Variants in EPC1 observed in about 807,000 individuals in gnomAD.
EPC1 encodes enhancer of polycomb 1, also known as enhancer of polycomb homolog 1.
A neutral mutation model predicts 98.4 loss-of-function variants in EPC1; 12 were observed. That is an observed-to-expected ratio of 0.12 (90% CI 0.08 to 0.20). The LOEUF (loss-of-function observed/expected upper bound fraction) is 0.20, where lower values mean the gene tolerates loss of function less well. Ranked by LOEUF, EPC1 falls within the 10% of genes least tolerant of loss-of-function variation. The pLI is 1.00. For missense variants in EPC1, 729 were observed against 990.5 expected (o/e 0.74, Z 3.54); for synonymous variants, 357 against 363.9 (o/e 0.98, Z 0.21).
At chr10:32,330,637 C>A (rs12358591) in intron 1 of EPC1, among the ~76,000 whole-genome samples, 2 of 152,090 alleles carry the variant, frequency 1.3e-5, no homozygotes, top group Admixed American at 1.3e-4. Flanking sequence ...GGATCCAAAT[C>A]TTAGAAATCC....
At chr10:32,270,802 A>G (rs1021691640) in intron 13 of EPC1, among the ~76,000 whole-genome samples, 38 of 135,850 alleles carry the variant, frequency 2.8e-4, no homozygotes, top group African/African-American at 9.8e-4. Flanking sequence ...AGCCTGGGCA[A>G]CAGAGCGAGA....
At chr10:32,333,319 G>A (rs997743707) in intron 1 of EPC1, among the ~76,000 whole-genome samples, 3 of 152,176 alleles carry the variant, frequency 2.0e-5, no homozygotes, top group African/African-American at 4.8e-5. Context: ...GCGACAGAGT[G>A]AGACTTCGTC....
chr10:32,343,685 A>G (rs114392163), intron 1 of EPC1, among the ~76,000 whole-genome samples: 1,397 of 45,238 alleles, frequency 0.031, 22 homozygotes, highest in African/African-American at 0.093. Context: ...TTCTGCCTCC[A>G]AATTATTTTG....
At chr10:32,281,148 C>A (rs1274925530) in intron 10 of EPC1, among the ~76,000 whole-genome samples, 2 of 152,138 alleles carry the variant, frequency 1.3e-5, no homozygotes, top group Non-Finnish European at 2.9e-5. Context: ...GGTTTTCCTG[C>A]CTCAGCCTCC....
intron 1 of EPC1, among the ~76,000 whole-genome samples, chr10:32,368,260 C>A (rs762232338): frequency 6.6e-5 from 10 of 152,222 alleles, no homozygotes; most frequent in Admixed American, 4.6e-4. Flanking sequence ...CTAGGTTCCC[C>A]AGCTTGGGAT....
At chr10:32,297,307 G>C (rs901628235) in intron 2 of EPC1, among the ~76,000 whole-genome samples, 5 of 143,614 alleles carry the variant, frequency 3.5e-5, no homozygotes, top group African/African-American at 1.3e-4. Context: ...TTTAGATGGA[G>C]TTTCGCTCTT....
chr10:32,339,490 A>G (rs901591524), intron 1 of EPC1, among the ~76,000 whole-genome samples: 1 of 152,192 alleles, frequency 6.6e-6, no homozygotes, highest in African/African-American at 2.4e-5. Flanking sequence ...GGTGGCAATG[A>G]GCCGAGATCA....
At chr10:32,325,225 C>A (rs576868782) in intron 1 of EPC1, among the ~76,000 whole-genome samples, 5 of 152,112 alleles carry the variant, frequency 3.3e-5, no homozygotes, top group African/African-American at 1.2e-4. Flanking sequence ...CTGTAAAACA[C>A]AAAACAAAAT....
At chr10:32,348,398 A>G (rs1448624971), upstream of EPC1, among the ~76,000 whole-genome samples, 1 of 152,178 alleles carries the variant, frequency 6.6e-6, no homozygotes, top group East Asian at 1.9e-4. Flanking sequence ...AAAAGATACA[A>G]AAATGTTTTG....
At chr10:32,344,536 A>G (rs992469615) in intron 1 of EPC1, among the ~76,000 whole-genome samples, 9 of 152,166 alleles carry the variant, frequency 5.9e-5, no homozygotes, top group African/African-American at 1.9e-4. Flanking sequence ...CTGTAATCCC[A>G]GCACTTTGGG....
intron 1 of EPC1, among the ~76,000 whole-genome samples, chr10:32,362,884 C>G (rs1839484188): frequency 6.6e-6 from 1 of 152,160 alleles, no homozygotes; most frequent in Non-Finnish European, 1.5e-5. Context: ...AGGCAGGAAG[C>G]CTGTACTTCT....
chr10:32,358,053 C>A lies in EPC1; in HGVS notation c.3+20438G>T, dbSNP rs184907049. 2.7e-4 allele frequency among the ~76,000 whole-genome samples: 41 copies of A among 151,954 alleles called. No individual in the cohort carries two copies. In the East Asian group the frequency reaches 5.0e-3, roughly 19 times the overall value. On this transcript the variant is annotated intron_variant, in intron 1 of 13. Transcript: ENST00000375110. The stretch of plus-strand genomic sequence containing the variant: ...TATTTTTAGTGGAGACAAGGTTTCA[C>A]CATGTTGGCCAGGCTAGTCTCGAAC...
rs1834938520 is a variant in EPC1 at position 32,293,040 on chromosome 10, T to C, written c.614A>G (p.Asn205Ser). ...CCTTCTAAAAGCCACATAAGGATCA[T>C]TTGTGCTGGAACCATCTCGCTTCTC... ...KQEKRDGSST[N>S]DPYVAFRRRT... Residue 205 changes from asparagine to serine, a missense_variant, in exon 4 of 14, where the codon AAT becomes AGT. Physicochemically the swap from Asn to Ser is conservative, Grantham distance 46. This residue lies in a region of EPC1 where 39 missense variants were observed against 94.9 expected (regional missense o/e 0.41). Transcript: ENST00000319778. 5 of 1,611,932 alleles carry C rather than the reference T, an allele frequency of 3.1e-6. No homozygotes were observed. Among genetic ancestry groups the C allele is most frequent in the Non-Finnish European group, 4.2e-6 (5 of 1,179,054 alleles).
chr10:32,276,995 A>G (rs1461525159), intron 10 of EPC1, among the ~76,000 whole-genome samples: 1 of 152,186 alleles, frequency 6.6e-6, no homozygotes, highest in African/African-American at 2.4e-5. Flanking sequence ...AGATTGTAGG[A>G]TTTCTTCCTA....
intron 1 of EPC1, among the ~76,000 whole-genome samples, chr10:32,364,617 T>A (rs1273535732): frequency 1.3e-5 from 2 of 152,196 alleles, no homozygotes; most frequent in Non-Finnish European, 2.9e-5. Context: ...CTCTTTCAAC[T>A]CTCAAATTTT....
intron 1 of EPC1, among the ~76,000 whole-genome samples, chr10:32,317,267 TA>T (rs1836610934): frequency 2.0e-5 from 3 of 152,198 alleles, no homozygotes; most frequent in African/African-American, 7.2e-5. Context: ...ATTTAATAAA[TA>T]AATGAGCCAA....
At chr10:32,372,280 G>A (rs1488720027) in intron 1 of EPC1, among the ~76,000 whole-genome samples, 2 of 152,156 alleles carry the variant, frequency 1.3e-5, no homozygotes, top group African/African-American at 2.4e-5. Context: ...GCACACCAAA[G>A]TTTGCAATCC....
At chr10:32,320,189 TTG>T (rs1395575276) in intron 1 of EPC1, among the ~76,000 whole-genome samples, 1 of 143,926 alleles carries the variant, frequency 6.9e-6, no homozygotes, top group African/African-American at 2.6e-5. Flanking sequence ...CAAATAATGG[TTG>T]TTTTTTTTTT....
In EPC1 at chr10:32,268,882, AT is replaced by A. The variant is rs562372711; in HGVS notation, c.*180del. 103 of 562,470 alleles carry A rather than the reference AT, an allele frequency of 1.8e-4. No individual in the cohort carries two copies. Among genetic ancestry groups the A allele is most frequent in the African/African-American group, 1.8e-3 (95 of 52,990 alleles). The allele number at this position is 562,470 out of a possible 1,614,324, so 34.8% of individuals were successfully genotyped here. On this transcript the variant is annotated 3_prime_UTR_variant, in exon 14 of 14. Coordinates refer to ENST00000319778, the MANE Select transcript of EPC1 (RefSeq NM_001272004.3). The stretch of plus-strand genomic sequence containing the variant: ...CTGTATTCTTAATTTACAGATGTTG[AT>A]TTTTTTCCTATTAACAGTAAGAAAA...
Sources: allele counts gnomAD v4.1 joint callset (sites outside exome capture counted in the v4.1 genomes callset), GRCh38; gene constraint gnomAD v4.1.1; regional missense constraint gnomAD v4.1.1; transcripts MANE v1.5; gene names NCBI Gene and HGNC (gene_info 2026-07-23, HGNC 2026-07-21).